DHX15: variants seen among roughly 807,000 people sequenced by gnomAD.
DHX15 encodes DEAH-box helicase 15.
Under a neutral mutation model 94.4 loss-of-function variants are expected in DHX15, and 11 were observed. The observed-to-expected ratio is 0.12, with a 90% confidence interval of 0.07 to 0.19. The LOEUF (loss-of-function observed/expected upper bound fraction) is 0.19, where lower values mean the gene tolerates loss of function less well. Among genes scored for constraint, DHX15 ranks in the 10% least tolerant of loss-of-function variants. DHX15 has a pLI of 1.00. For synonymous variants in DHX15, 338 were observed against 329.9 expected (o/e 1.02, Z -0.27); for missense variants, 304 against 988.5 (o/e 0.31, Z 9.29).
intron 3 of DHX15, among the ~76,000 whole-genome samples, chr4:24,562,131 CAAAAAAAAAAAA>C (rs71196191): frequency 1.3e-5 from 1 of 77,824 alleles, no homozygotes; most frequent in African/African-American, 4.9e-5. Flanking sequence ...GACACTGTCT[CAAAAAAAAAAAA>C]AAAAAAAAAA....
At chr4:24,552,271 T>TAA (rs1721625694) in intron 5 of DHX15, among the ~76,000 whole-genome samples, 2 of 152,184 alleles carry the variant, frequency 1.3e-5, no homozygotes, top group African/African-American at 4.8e-5. Context: ...TGAGAAAAGA[T>TAA]TTTTAACTCC....
At chr4:24,564,668 C>T (rs1721956300) in intron 3 of DHX15, among the ~76,000 whole-genome samples, 1 of 152,174 alleles carries the variant, frequency 6.6e-6, no homozygotes. Context: ...CAAAGACAGG[C>T]TCTAGTTCAA....
rs1376965048 is a variant in DHX15, at chr4:24,537,134, G to A, written c.1826C>T (p.Ala609Val). ...CFVRPTEAKK[A>V]ADEAKMRFAH... is the part of the protein sequence containing the mutation. The stretch of plus-strand genomic sequence containing the variant: ...AAATCTCATCTTGGCCTCATCTGCG[G>A]CTTTCTTGGCCTCCGTGGGGCGAAC... The change falls in exon 11 of 14, where the codon GCC (alanine) becomes GTC (valine). Residue 609 changes from alanine to valine, a missense_variant. Physicochemically the swap from Ala to Val is moderately conservative, Grantham distance 64 (BLOSUM62 0). Coordinates refer to ENST00000336812, the MANE Select transcript of DHX15 (RefSeq NM_001358.3). This position sits in a 1 kb window ranked among gnomAD's most constrained non-coding sequence, Gnocchi z 4.7. 6.2e-7 allele frequency: 1 copy of A among 1,613,882 alleles called. No homozygotes were observed. The highest frequency in any genetic ancestry group is 1.7e-5 in the Admixed American group (1 of 59,974).
At chr4:24,542,694 C>T (rs562682445) in intron 7 of DHX15, among the ~76,000 whole-genome samples, 4 of 151,520 alleles carry the variant, frequency 2.6e-5, no homozygotes, top group African/African-American at 7.3e-5. Context: ...AAACACCCAC[C>T]GTCACTACAC....
chr4:24,563,082 T>C (rs1250346787), intron 3 of DHX15: 1 of 151,720 alleles, frequency 6.6e-6, no homozygotes, highest in Non-Finnish European at 1.5e-5. Context: ...AATGTCCAGG[T>C]ATAATTTTTC....
At chr4:24,543,116 A>G in intron 6 of DHX15, 90 bp from the exon 7 acceptor site, 1 of 770,368 alleles carries the variant, frequency 1.3e-6, no homozygotes, top group Non-Finnish European at 2.1e-6. Flanking sequence ...TCACTGACAC[A>G]AGGAATTTCA....
intron 3 of DHX15, among the ~76,000 whole-genome samples, chr4:24,569,393 C>A (rs1722067089): frequency 5.3e-5 from 8 of 152,004 alleles, no homozygotes. Flanking sequence ...GAGTTAGAGA[C>A]CAGCCTGGCC....
chr4:24,566,910 C>T (rs938983549), intron 3 of DHX15, among the ~76,000 whole-genome samples: 4 of 152,188 alleles, frequency 2.6e-5, no homozygotes, highest in African/African-American at 4.8e-5. Context: ...CCATATTCTA[C>T]TTCAGAAGGT....
At chr4:24,550,878 C>G (rs1402220449) in intron 5 of DHX15, among the ~76,000 whole-genome samples, 1 of 152,150 alleles carries the variant, frequency 6.6e-6, no homozygotes, top group Non-Finnish European at 1.5e-5. Flanking sequence ...TTTAAAACAA[C>G]TGGCAGCAAA....
intron 1 of DHX15, chr4:24,580,788 G>C (rs1205682522): frequency 1.3e-5 from 2 of 152,042 alleles, no homozygotes; most frequent in Non-Finnish European, 2.9e-5. Context: ...AAAGTGCTGT[G>C]ATTACAGGTG....
Position 24,554,858 on chromosome 4 carries a change from G to C in DHX15, c.947C>G (p.Thr316Arg). ...AGTATAGAAGATCTCAACAGGATGT[G>C]TACGCCCAGGAATAGTTAGGAGAGG... ...NCPLLTIPGR[T>R]HPVEIFYTPE... Residue 316 changes from threonine (T) to arginine (R), a missense_variant, in exon 5 of 14, where the codon ACA (threonine) becomes AGA (arginine). Physicochemically the swap from Thr to Arg is moderately conservative, Grantham distance 71. This residue lies in a region of DHX15 where 29 missense variants were observed against 181.6 expected (regional missense o/e 0.16). Coordinates refer to ENST00000336812, the MANE Select transcript of DHX15 (RefSeq NM_001358.3). 1 of 1,613,778 alleles carries C rather than the reference G, an allele frequency of 6.2e-7. No homozygotes were observed. The highest frequency in any genetic ancestry group is 1.1e-5 in the South Asian group (1 of 91,078).
chr4:24,575,071 C>T (rs1238209332), intron 2 of DHX15, among the ~76,000 whole-genome samples: 5 of 151,418 alleles, frequency 3.3e-5, no homozygotes, highest in South Asian at 2.1e-4. Flanking sequence ...GCAGGAGGAT[C>T]GCTTCAGCTC....
At chr4:24,546,459 G>A (rs1049886234) in intron 6 of DHX15, among the ~76,000 whole-genome samples, 2 of 152,130 alleles carry the variant, frequency 1.3e-5, no homozygotes, top group Non-Finnish European at 2.9e-5. Context: ...TTAAGTCTCA[G>A]TCAAAAAATG....
intron 1 of DHX15, 191 bp downstream of exon 1, chr4:24,584,132 A>G: frequency 1.7e-6 from 1 of 601,560 alleles, no homozygotes; most frequent in South Asian, 2.1e-5. Context: ...GCCCCGTCGC[A>G]CGCAACCCCC....
At chr4:24,547,957 A>G (rs1397183606) in intron 6 of DHX15, among the ~76,000 whole-genome samples, 3 of 133,584 alleles carry the variant, frequency 2.2e-5, no homozygotes, top group African/African-American at 8.9e-5. Flanking sequence ...ATCTATATCT[A>G]TATCTATCTG....
rs1438663955 is a variant in DHX15, at chr4:24,541,882, T to C, written c.1476A>G (p.Thr492=). 4 of 1,592,734 alleles carry C rather than the reference T, an allele frequency of 2.5e-6. No homozygotes were observed. The highest frequency in any genetic ancestry group is 3.4e-5 in the Admixed American group (2 of 58,252). ...CGACAATACCCCATACCTGCATTTC[T>C]GTTTTATAAGCTTTCTCTGTGTAAA... The part of the protein sequence containing the change: ...FRLYTEKAYK[T]EMQDNTYPEI... The change falls in exon 8 of 14, where the codon ACA becomes ACG. Residue 492 remains threonine, a synonymous_variant. Transcript: ENST00000336812.
chr4:24,559,911 TAAAC>T (rs1171286493), intron 3 of DHX15, among the ~76,000 whole-genome samples: 2 of 152,110 alleles, frequency 1.3e-5, no homozygotes, highest in Non-Finnish European at 2.9e-5. Flanking sequence ...TTAATCAAAT[TAAAC>T]AAGAAGCAGA....
intron 3 of DHX15, among the ~76,000 whole-genome samples, chr4:24,560,826 T>A (rs543659948): frequency 6.6e-6 from 1 of 152,290 alleles, no homozygotes; most frequent in East Asian, 1.9e-4. Flanking sequence ...TACAAATGGC[T>A]AATATACAAA....
At chr4:24,567,020 G>A (rs1025534024) in intron 3 of DHX15, among the ~76,000 whole-genome samples, 7 of 152,044 alleles carry the variant, frequency 4.6e-5, no homozygotes, top group Admixed American at 1.3e-4. Context: ...CCAACACATA[G>A]AAGGTACTTA....
Sources: allele counts gnomAD v4.1 joint callset (sites outside exome capture counted in the v4.1 genomes callset), GRCh38; gene constraint gnomAD v4.1.1; regional missense constraint gnomAD v4.1.1; non-coding constraint Gnocchi (gnomAD v3.1); transcripts MANE v1.5; gene names NCBI Gene and HGNC (gene_info 2026-07-23, HGNC 2026-07-21).